Variants in TBC1D4 observed in about 807,000 individuals in gnomAD.
TBC1D4 encodes the protein TBC1 domain family member 4, also known as TBC (Tre-2, BUB2, CDC16) domain-containing protein.
TBC1D4 carries 121 observed loss-of-function variants against 142.5 expected under a neutral mutation model. The observed-to-expected ratio is 0.85, with a 90% CI of 0.73 to 0.99. The LOEUF (loss-of-function observed/expected upper bound fraction) is 0.99. Among genes scored for constraint, TBC1D4 ranks in the 50% least tolerant of loss-of-function variants. The pLI is 0.00. For synonymous variants in TBC1D4, 630 were observed against 628.2 expected, an observed-to-expected ratio of 1.00 and a Z score of -0.04; for missense variants, 1,475 against 1,606.6, an observed-to-expected ratio of 0.92 and a Z score of 1.40.
chr13:75,395,444 T>A (rs1020102604), intron 1 of TBC1D4, among the ~76,000 whole-genome samples: 5 of 152,182 alleles, frequency 3.3e-5, no homozygotes, highest in Non-Finnish European at 7.3e-5. Flanking sequence ...CTGTATACAA[T>A]CAAAGGCTAT....
intron 1 of TBC1D4, among the ~76,000 whole-genome samples, chr13:75,368,606 C>T (rs905535216): frequency 2.6e-5 from 4 of 152,220 alleles, no homozygotes; most frequent in African/African-American, 9.7e-5. Flanking sequence ...TGTCTCACTG[C>T]TTCTCCAGTT....
intron 1 of TBC1D4, among the ~76,000 whole-genome samples, chr13:75,432,889 C>T (rs1053216244): frequency 2.0e-5 from 3 of 150,998 alleles, no homozygotes; most frequent in African/African-American, 7.3e-5. Context: ...TTGCAGTAAG[C>T]CAAGATCATG....
At chr13:75,479,066 T>G (rs1888729360) in intron 1 of TBC1D4, among the ~76,000 whole-genome samples, 1 of 152,206 alleles carries the variant, frequency 6.6e-6, no homozygotes, top group Non-Finnish European at 1.5e-5. Context: ...TTGCATCCTA[T>G]TCATGCAATT....
intron 3 of TBC1D4, 126 bp downstream of exon 3, chr13:75,359,643 T>G (rs1882337219): frequency 1.3e-6 from 1 of 776,712 alleles, no homozygotes; most frequent in Admixed American, 2.8e-5. Flanking sequence ...ACAAATTCCC[T>G]TTAAGAATAA....
chr13:75,392,664 C>T (rs1167057918), intron 1 of TBC1D4, among the ~76,000 whole-genome samples: 2 of 149,594 alleles, frequency 1.3e-5, no homozygotes, highest in Non-Finnish European at 1.5e-5. Context: ...GAGACAGAGT[C>T]TCTCTCTGTT....
intron 1 of TBC1D4, among the ~76,000 whole-genome samples, chr13:75,459,880 C>T (rs1408498635): frequency 5.3e-5 from 8 of 152,184 alleles, no homozygotes; most frequent in South Asian, 2.1e-4. Context: ...CGGTGGCTCA[C>T]GCCTGTAATC....
chr13:75,481,726 G>A lies in TBC1D4; in HGVS notation c.42C>T (p.His14=), dbSNP rs1888895983. The A allele has an allele frequency of 2.5e-6, 4 of 1,595,972 alleles. No homozygotes were observed. The highest frequency in any genetic ancestry group is 2.6e-6 in the Non-Finnish European group (3 of 1,173,652). The part of the protein sequence containing the change: ...PSCIQDEPFP[H]PLEPEPGVSA... Reference sequence around the variant, plus strand: ...AGACGCCCGGCTCGGGCTCCAGGGGGTGCGGGAACGGCTCATCCTGAATGC... The same window carrying A: ...AGACGCCCGGCTCGGGCTCCAGGGGATGCGGGAACGGCTCATCCTGAATGC... The change falls in exon 1 of 21, where the codon CAC becomes CAT. Residue 14 remains histidine (H), a synonymous_variant. Transcript: ENST00000377636.
chr13:75,417,869 A>G lies in TBC1D4; in HGVS notation c.499-55262T>C, dbSNP rs75274163. 2.2e-3 allele frequency among the ~76,000 whole-genome samples: 333 copies of G among 152,314 alleles called. 3 individuals are homozygous for G. The highest frequency in any genetic ancestry group is 7.9e-3 in the African/African-American group (327 of 41,556). On this transcript the variant is annotated intron_variant, in intron 1 of 20. Transcript: ENST00000377636. ...GGAAATCTGACAGTCCTATGTTCAC[A>G]TCGTGCCAATTACTAGTTATGCAAT...
At chr13:75,303,904 T>C (rs772481315) in intron 15 of TBC1D4, among the ~76,000 whole-genome samples, 7 of 152,210 alleles carry the variant, frequency 4.6e-5, no homozygotes, top group South Asian at 2.1e-4. Flanking sequence ...CCATTGTACG[T>C]CTATTCATCT....
intron 1 of TBC1D4, among the ~76,000 whole-genome samples, chr13:75,397,901 A>G (rs977729517): frequency 2.6e-5 from 4 of 152,234 alleles, no homozygotes; most frequent in African/African-American, 4.8e-5. Context: ...TTAAATGAAC[A>G]TTTTGAGCTC....
intron 12 of TBC1D4, among the ~76,000 whole-genome samples, chr13:75,315,997 T>C (rs975598063): frequency 1.3e-5 from 2 of 152,236 alleles, no homozygotes; most frequent in Admixed American, 1.3e-4. Context: ...GAAATACTTA[T>C]TTAAAAGCAC....
chr13:75,334,620 G>A (rs1221106170), intron 8 of TBC1D4, among the ~76,000 whole-genome samples: 1 of 151,890 alleles, frequency 6.6e-6, no homozygotes, highest in African/African-American at 2.4e-5. Context: ...GTCTCACTCT[G>A]TCTCCCAGGC....
At chr13:75,360,202 T>C (rs1352263000) in intron 2 of TBC1D4, among the ~76,000 whole-genome samples, 7 of 152,324 alleles carry the variant, frequency 4.6e-5, no homozygotes, top group African/African-American at 1.7e-4. Flanking sequence ...AAATAAGTTA[T>C]AATCATACTT....
At chr13:75,290,822 A>G (rs1448961625) in intron 19 of TBC1D4, among the ~76,000 whole-genome samples, 2 of 152,314 alleles carry the variant, frequency 1.3e-5, no homozygotes, top group East Asian at 3.9e-4. Flanking sequence ...TTGTAGAGGA[A>G]GAGGTTGAGA....
At chr13:75,384,453 T>C (rs1419277043) in intron 1 of TBC1D4, among the ~76,000 whole-genome samples, 1 of 151,924 alleles carries the variant, frequency 6.6e-6, no homozygotes, top group East Asian at 1.9e-4. Flanking sequence ...TCCAATGAGC[T>C]GCATATTCCT....
Position 75,286,964 on chromosome 13 carries a change from G to A in TBC1D4, c.3725C>T (p.Thr1242Ile). The A allele has an allele frequency of 6.2e-7, 1 of 1,613,760 alleles. No individual in the cohort carries two copies. ...SNLENLLTRETKMKSLIRTLE... is the reference protein window; with the variant it reads ...SNLENLLTREIKMKSLIRTLE... Reference sequence around the variant, plus strand: ...GGTCCGGATTAAAGACTTCATTTTGGTCTCTCTCGTCAAAAGATTTTCCAG... The same window carrying A: ...GGTCCGGATTAAAGACTTCATTTTGATCTCTCTCGTCAAAAGATTTTCCAG... The change falls in exon 21 of 21, where the codon ACC becomes ATC. Residue 1242 changes from threonine (T) to isoleucine (I), a missense_variant. Coordinates refer to ENST00000377636, the MANE Select transcript of TBC1D4 (RefSeq NM_014832.5).
chr13:75,477,891 A>T (rs1358823719), intron 1 of TBC1D4, among the ~76,000 whole-genome samples: 1 of 152,242 alleles, frequency 6.6e-6, no homozygotes, highest in Non-Finnish European at 1.5e-5. Context: ...AAGACTACAT[A>T]GGCTTGACTA....
chr13:75,410,054 C>G (rs1885556183), intron 1 of TBC1D4, among the ~76,000 whole-genome samples: 1 of 152,142 alleles, frequency 6.6e-6, no homozygotes, highest in Admixed American at 6.6e-5. Flanking sequence ...CAGTTGCCTG[C>G]CTTGTATAAA....
In TBC1D4 at chr13:75,362,068, G is replaced by T; in HGVS notation, c.1038C>A (p.Val346=). ...TGTTCTTCTCCGAGTCCGAGGGCTG[G>T]ACGTGACTGGGTGCGCTCGCGTGTC... ...RRRHASAPSH[V]QPSDSEKNRT... The change falls in exon 2 of 21, where the codon GTC becomes GTA. Residue 346 remains valine (V), a synonymous_variant. Transcript: ENST00000377636. This position sits in a 1 kb window ranked among gnomAD's most constrained non-coding sequence, Gnocchi z 4.2. 1.9e-6 allele frequency: 3 copies of T among 1,614,128 alleles called. No homozygotes were observed. The highest frequency in any genetic ancestry group is 2.5e-6 in the Non-Finnish European group (3 of 1,180,030).
Sources: allele counts gnomAD v4.1 joint callset (sites outside exome capture counted in the v4.1 genomes callset), GRCh38; gene constraint gnomAD v4.1.1; non-coding constraint Gnocchi (gnomAD v3.1); transcripts MANE v1.5; gene names NCBI Gene and HGNC (gene_info 2026-07-23, HGNC 2026-07-21).